WSCD2: variants seen among roughly 807,000 people sequenced by gnomAD.
The protein encoded by WSCD2 is WSC domain sialate O sulfotransferase 2.
In WSCD2, 28 loss-of-function variants were observed where a neutral mutation model predicts 55.7. The ratio of observed to expected loss-of-function variants is 0.50; its 90% CI spans 0.37 to 0.69. The LOEUF (loss-of-function observed/expected upper bound fraction) is 0.69. Ranked by LOEUF, WSCD2 falls within the 30% of genes least tolerant of loss-of-function variation. WSCD2 has a pLI of 0.00. For synonymous variants in WSCD2, 301 were observed against 301.9 expected (o/e 1.00, Z 0.03); for missense variants, 616 against 762.1 (o/e 0.81, Z 2.26).
intron 7 of WSCD2, among the ~76,000 whole-genome samples, chr12:108,236,562 C>A (rs911377452): frequency 1.3e-5 from 2 of 149,234 alleles, no homozygotes; most frequent in African/African-American, 5.0e-5. Context: ...CCATCTGGCG[C>A]TCTTTCTCTC....
At chr12:108,221,435 A>C (rs1887507023) in intron 4 of WSCD2, among the ~76,000 whole-genome samples, 1 of 152,158 alleles carries the variant, frequency 6.6e-6, no homozygotes, top group Non-Finnish European at 1.5e-5. Context: ...GCACATCTTT[A>C]ATCCCAGGTA....
chr12:108,157,409 A>G (rs1470554807), intron 1 of WSCD2, among the ~76,000 whole-genome samples: 1 of 152,188 alleles, frequency 6.6e-6, no homozygotes, highest in Non-Finnish European at 1.5e-5. Context: ...GTGTATAATG[A>G]CATGTGTCCA....
intron 1 of WSCD2, among the ~76,000 whole-genome samples, chr12:108,182,784 G>A (rs10778612): frequency 0.74 from 112,398 of 152,080 alleles, 42,938 homozygotes; most frequent in East Asian, 0.9. Flanking sequence ...CAAAAGGAGA[G>A]GCAGTTTCTT....
chr12:108,213,372 G>A (rs1379954688), intron 4 of WSCD2, among the ~76,000 whole-genome samples: 2 of 152,232 alleles, frequency 1.3e-5, no homozygotes, highest in African/African-American at 4.8e-5. Context: ...GATTCCAGGT[G>A]AAAGGGACAG....
chr12:108,159,914 CT>C (rs986640215), intron 1 of WSCD2, among the ~76,000 whole-genome samples: 2 of 152,204 alleles, frequency 1.3e-5, no homozygotes, highest in Non-Finnish European at 2.9e-5. Flanking sequence ...GTATTTCTGG[CT>C]GTGAGGGCTC....
At chr12:108,135,406 G>GC (rs1185115003) in intron 1 of WSCD2, among the ~76,000 whole-genome samples, 2 of 152,236 alleles carry the variant, frequency 1.3e-5, no homozygotes, top group Non-Finnish European at 2.9e-5. Context: ...AGGAACTTCA[G>GC]CCTCACCTCA....
At position 108,248,735 on chromosome 12, in the gene WSCD2, G is replaced by C. The variant is rs1890260948; in HGVS notation, c.*392G>C. The C allele has an allele frequency of 1.0e-6, 1 of 1,004,172 alleles. No individual in the cohort carries two copies. Among genetic ancestry groups the C allele is most frequent in the East Asian group, 9.7e-5 (1 of 10,338 alleles). 62.2% of individuals were successfully genotyped at this position (1,004,172 alleles called of 1,614,324 possible). A position where few individuals can be genotyped will look rare whatever the true frequency, so the allele number is the denominator to read the frequency against. ...AAGGCTCTTGATGCAAGAGCCCAGG[G>C]GGCTATTGTAAAAACTTGGCCCCAG... On this transcript the variant is annotated 3_prime_UTR_variant, in exon 9 of 9. Coordinates refer to ENST00000547525, the MANE Select transcript of WSCD2 (RefSeq NM_014653.4). The surrounding 1 kb of genome is among the most constrained non-coding windows in gnomAD (Gnocchi z 4.3).
intron 1 of WSCD2, among the ~76,000 whole-genome samples, chr12:108,149,580 AG>A (rs2136908403): frequency 6.6e-6 from 1 of 152,330 alleles, no homozygotes; most frequent in Admixed American, 6.5e-5. Flanking sequence ...GTGCTCAGGC[AG>A]GGGGATGCTC....
intron 1 of WSCD2, among the ~76,000 whole-genome samples, chr12:108,162,190 C>G (rs1879136612): frequency 6.6e-6 from 1 of 152,218 alleles, no homozygotes; most frequent in Admixed American, 6.5e-5. Context: ...ACCTCAGATT[C>G]TCTTCCAAGC....
At chr12:108,225,763 C>T (rs1888013116) in intron 5 of WSCD2, among the ~76,000 whole-genome samples, 1 of 152,102 alleles carries the variant, frequency 6.6e-6, no homozygotes, top group Admixed American at 6.5e-5. Flanking sequence ...CCCTTCAATA[C>T]CCCCAGCACA....
chr12:108,224,090 T>C (rs144307855), intron 4 of WSCD2, among the ~76,000 whole-genome samples: 1 of 152,344 alleles, frequency 6.6e-6, no homozygotes, highest in Admixed American at 6.5e-5. Flanking sequence ...TGACTTCTAT[T>C]GAAGATTTGA....
intron 7 of WSCD2, among the ~76,000 whole-genome samples, chr12:108,235,981 T>A (rs1445539525): frequency 2.0e-5 from 3 of 152,158 alleles, no homozygotes; most frequent in African/African-American, 7.2e-5. Flanking sequence ...GAAAGATGCT[T>A]AACTTCATGA....
intron 1 of WSCD2, among the ~76,000 whole-genome samples, chr12:108,149,584 G>A (rs1592888881): frequency 1.3e-5 from 2 of 152,164 alleles, no homozygotes; most frequent in South Asian, 4.1e-4. Context: ...TCAGGCAGGG[G>A]GATGCTCTCT....
intron 1 of WSCD2, among the ~76,000 whole-genome samples, chr12:108,154,805 A>G (rs529918304): frequency 5.3e-5 from 8 of 152,314 alleles, no homozygotes; most frequent in African/African-American, 1.7e-4. Context: ...CATGAATCCA[A>G]ATGAACTCAT....
intron 4 of WSCD2, among the ~76,000 whole-genome samples, chr12:108,219,054 A>T (rs1315661817): frequency 6.6e-6 from 1 of 152,192 alleles, no homozygotes; most frequent in Non-Finnish European, 1.5e-5. Context: ...AGCTGGGCTC[A>T]TGAGGGACTG....
chr12:108,166,745 C>CT (rs1482889768), intron 1 of WSCD2, among the ~76,000 whole-genome samples: 94 of 49,472 alleles, frequency 1.9e-3, no homozygotes, highest in Non-Finnish European at 3.5e-3. Flanking sequence ...TCTTTCTTTC[C>CT]TTCTTTCTTT....
Position 108,248,101 on chromosome 12 carries a change from G to T in WSCD2, c.1456G>T (p.Asp486Tyr). ...LVVHFEDLKQ[D>Y]LFVQLGRMVS... ...GGTGCACTTTGAGGACCTGAAGCAG[G>T]ACCTCTTTGTCCAGCTGGGCCGGAT... Residue 486 changes from aspartate (D) to tyrosine (Y), a missense_variant, in exon 9 of 9, where the codon GAC (aspartate) becomes TAC (tyrosine). Physicochemically the swap from Asp to Tyr is radical, Grantham distance 160 (BLOSUM62 -3). This residue lies in a region of WSCD2 where 234 missense variants were observed against 264.6 expected (regional missense o/e 0.88). Coordinates refer to ENST00000547525, the MANE Select transcript of WSCD2 (RefSeq NM_014653.4). The surrounding 1 kb of genome is among the most constrained non-coding windows in gnomAD (Gnocchi z 4.3). The T allele has an allele frequency of 6.2e-7, 1 of 1,614,206 alleles. No homozygotes were observed. The highest frequency in any genetic ancestry group is 1.3e-5 in the African/African-American group (1 of 75,058).
chr12:108,216,432 T>A (rs765951151), intron 4 of WSCD2, among the ~76,000 whole-genome samples: 1 of 152,370 alleles, frequency 6.6e-6, no homozygotes, highest in Non-Finnish European at 1.5e-5. Context: ...ACTGCTGTTG[T>A]CATTCATGAC....
In WSCD2 at chr12:108,210,380, T is replaced by C. The variant is rs1460234317; in HGVS notation, c.682+75T>C. The C allele has an allele frequency of 1.3e-6, 2 of 1,493,946 alleles. No homozygotes were observed. Among genetic ancestry groups the C allele is most frequent in the African/African-American group, 1.4e-5 (1 of 72,604 alleles). 92.5% of individuals were successfully genotyped at this position (1,493,946 alleles called of 1,614,324 possible). Reference sequence around the variant, plus strand: ...CCCTTGCCCACCAAAGAGTCCCACATGTCTGCCCTGTACCCTCCATGGCTC... The same window carrying C: ...CCCTTGCCCACCAAAGAGTCCCACACGTCTGCCCTGTACCCTCCATGGCTC... On this transcript the variant is annotated intron_variant, in intron 4 of 8. Transcript: ENST00000547525. This position sits in a 1 kb window ranked among gnomAD's most constrained non-coding sequence, Gnocchi z 4.3.
Sources: gnomAD v4.1 joint callset for allele counts (sites outside exome capture counted in the v4.1 genomes callset) on GRCh38, gnomAD v4.1.1 for gene constraint, gnomAD v4.1.1 regional missense constraint, Gnocchi (gnomAD v3.1) non-coding constraint, MANE v1.5 for transcripts, NCBI Gene and HGNC (gene_info 2026-07-23, HGNC 2026-07-21) for gene names.